The following TRPM3 variants were observed in gnomAD, a reference collection of about 807,000 sequenced individuals.
TRPM3 encodes the protein long transient receptor potential channel 3.
A neutral mutation model predicts 181.2 loss-of-function variants in TRPM3; 77 were observed. That is an observed-to-expected ratio of 0.42 (90% CI 0.35 to 0.51). The LOEUF (loss-of-function observed/expected upper bound fraction) is 0.51, where lower values mean the gene tolerates loss of function less well. Ranked by LOEUF, TRPM3 falls within the 20% of genes least tolerant of loss-of-function variation. The probability of loss-of-function intolerance (pLI) is 0.01; values close to 1 mark genes in which losing one functional copy is unlikely to be tolerated. For synonymous variants in TRPM3, 745 were observed against 796.4 expected (o/e 0.94, Z 1.09); for missense variants, 1,759 against 2,196.7 (o/e 0.80, Z 3.98).
At chr9:70,627,397 C>T (rs769870251) in intron 12 of TRPM3, among the ~76,000 whole-genome samples, 8 of 151,720 alleles carry the variant, frequency 5.3e-5, no homozygotes, top group Admixed American at 6.6e-5. Flanking sequence ...CTCAGCCTCC[C>T]GAGTAGCTTG....
At chr9:70,878,934 C>T (rs866942490) in intron 1 of TRPM3, among the ~76,000 whole-genome samples, 3 of 152,120 alleles carry the variant, frequency 2.0e-5, no homozygotes, top group Admixed American at 6.6e-5. Context: ...GAAAATCAAT[C>T]AGAGGGAGTA....
chr9:70,535,879 A>C lies in TRPM3; in HGVS notation c.*74T>G. On this transcript the variant is annotated 3_prime_UTR_variant, in exon 26 of 26. Coordinates refer to ENST00000677713, the MANE Select transcript of TRPM3 (RefSeq NM_001366145.2). ...GAATAAAGCAGGTATGATTCAAGGAAAGGGGAAAAACTGGAGTTGGAGAGA... is the reference window on the plus strand; with the variant it reads ...GAATAAAGCAGGTATGATTCAAGGACAGGGGAAAAACTGGAGTTGGAGAGA... 6.6e-7 allele frequency: 1 copy of C among 1,522,986 alleles called. No homozygotes were observed. Among genetic ancestry groups the C allele is most frequent in the East Asian group, 2.3e-5 (1 of 44,208 alleles). The allele number at this position is 1,522,986 out of a possible 1,614,324, so 94.3% of individuals were successfully genotyped here. A position where few individuals can be genotyped will look rare whatever the true frequency, so the allele number is the denominator to read the frequency against.
chr9:70,944,242 C>T (rs1182828459), intron 1 of TRPM3, among the ~76,000 whole-genome samples: 1 of 152,180 alleles, frequency 6.6e-6, no homozygotes, highest in Non-Finnish European at 1.5e-5. Context: ...TGAGCATCAG[C>T]ATCCTTAATG....
chr9:70,668,672 GAAAAAA>G (rs57929544), intron 9 of TRPM3, among the ~76,000 whole-genome samples: 133 of 86,528 alleles, frequency 1.5e-3, no homozygotes, highest in African/African-American at 5.2e-3. Flanking sequence ...CTCAAAAAAA[GAAAAAA>G]AAAAAAAAAA....
At chr9:71,353,825 G>T (rs997218102) in intron 1 of TRPM3, among the ~76,000 whole-genome samples, 10 of 152,150 alleles carry the variant, frequency 6.6e-5, no homozygotes, top group Admixed American at 2.0e-4. Flanking sequence ...ATATATTGGT[G>T]AACAGAAAGT....
At chr9:70,959,211 AT>A (rs1265116861) in intron 1 of TRPM3, among the ~76,000 whole-genome samples, 2 of 152,050 alleles carry the variant, frequency 1.3e-5, no homozygotes, top group East Asian at 3.9e-4. Flanking sequence ...TATAGTAAAT[AT>A]TTGCTTGTGT....
chr9:71,198,522 T>C lies in TRPM3; in HGVS notation c.183+248131A>G, dbSNP rs540119577. 7.0e-3 allele frequency among the ~76,000 whole-genome samples: 1,072 copies of C among 152,306 alleles called. 17 individuals are homozygous for C. Among genetic ancestry groups the C allele is most frequent in the African/African-American group, 0.024 (1,012 of 41,548 alleles). ...CCCATGAGCATGGAATGTTCTTCCA[T>C]TTCTTTGTATCCTCTTTTATTTCAT... On this transcript the variant is annotated intron_variant, in intron 1 of 24. Coordinates refer to the TRPM3 transcript ENST00000357533.
At chr9:71,002,925 T>C (rs2097625319) in intron 1 of TRPM3, among the ~76,000 whole-genome samples, 1 of 152,150 alleles carries the variant, frequency 6.6e-6, no homozygotes, top group Non-Finnish European at 1.5e-5. Context: ...ATTCATATTT[T>C]CCAAAAAGGT....
At chr9:71,277,551 TA>T (rs1176612355) in intron 1 of TRPM3, among the ~76,000 whole-genome samples, 4 of 151,928 alleles carry the variant, frequency 2.6e-5, no homozygotes, top group African/African-American at 7.2e-5. Flanking sequence ...TTAACTGATT[TA>T]AAAAAAAGAT....
chr9:71,045,947 T>G (rs2430870), intron 1 of TRPM3, among the ~76,000 whole-genome samples: 87,931 of 151,546 alleles, frequency 0.58, 26,740 homozygotes, highest in African/African-American at 0.77. Context: ...TTGCTAATGT[T>G]TGACTTTCCA....
At chr9:70,548,551 G>T (rs2045641606) in intron 25 of TRPM3, among the ~76,000 whole-genome samples, 2 of 152,184 alleles carry the variant, frequency 1.3e-5, no homozygotes, top group South Asian at 4.1e-4. Flanking sequence ...AATCTTAAAA[G>T]CCTGAGCCAT....
At chr9:70,993,067 A>G (rs986305697) in intron 1 of TRPM3, among the ~76,000 whole-genome samples, 1 of 152,306 alleles carries the variant, frequency 6.6e-6, no homozygotes, top group Admixed American at 6.5e-5. Context: ...TGCAGTAAGT[A>G]AGGGGTTGCG....
intron 6 of TRPM3, among the ~76,000 whole-genome samples, chr9:70,823,666 T>C (rs1588875460): frequency 7.1e-6 from 1 of 140,722 alleles, no homozygotes; most frequent in African/African-American, 2.6e-5. Flanking sequence ...CAGTTAGTCA[T>C]TTTCTTACTT....
At chr9:70,869,172 T>C in intron 1 of TRPM3, 2 of 482,726 alleles carry the variant, frequency 4.1e-6, no homozygotes, top group South Asian at 1.8e-4. Context: ...CTTGGGCAGA[T>C]TAGCCCCTTG....
intron 1 of TRPM3, among the ~76,000 whole-genome samples, chr9:71,211,812 C>T (rs2131803740): frequency 6.6e-6 from 1 of 152,296 alleles, no homozygotes; most frequent in Admixed American, 6.5e-5. Context: ...ATTTTTACTT[C>T]ACTCATTATA....
intron 3 of TRPM3, among the ~76,000 whole-genome samples, chr9:70,855,841 C>A (rs1382027749): frequency 2.0e-5 from 3 of 151,732 alleles, no homozygotes; most frequent in South Asian, 2.1e-4. Flanking sequence ...TGCTTTGCAT[C>A]AAGAGTTTAA....
chr9:70,635,145 G>A, intron 12 of TRPM3, 66 bp downstream of exon 12: 5 of 1,435,156 alleles, frequency 3.5e-6, no homozygotes, highest in Admixed American at 3.4e-5. Flanking sequence ...GCAAAACAGA[G>A]GCACTCTCTA....
chr9:70,901,473 T>G (rs541602288), intron 1 of TRPM3, among the ~76,000 whole-genome samples: 6 of 152,182 alleles, frequency 3.9e-5, no homozygotes, highest in Admixed American at 2.0e-4. Context: ...GTAGGTTAAA[T>G]GTAACTTTGG....
chr9:71,205,782 G>A (rs2079086913), intron 1 of TRPM3, among the ~76,000 whole-genome samples: 1 of 152,176 alleles, frequency 6.6e-6, no homozygotes, highest in Non-Finnish European at 1.5e-5. Flanking sequence ...ATTAATAAAT[G>A]TTTCTGGCCT....
Sources: allele counts gnomAD v4.1 joint callset (sites outside exome capture counted in the v4.1 genomes callset), GRCh38; gene constraint gnomAD v4.1.1; transcripts MANE v1.5; gene names NCBI Gene and HGNC (gene_info 2026-07-23, HGNC 2026-07-21).